Variants in ZDHHC11 observed in about 807,000 individuals in gnomAD.
The protein encoded by ZDHHC11 is palmitoyltransferase ZDHHC11.
A neutral mutation model predicts 51.3 loss-of-function variants in ZDHHC11; 44 were observed. That is an observed-to-expected ratio of 0.86 (90% CI 0.67 to 1.10). ZDHHC11 has a LOEUF of 1.10. ZDHHC11 is among the 50% of genes least tolerant of loss of function. The pLI is 0.00. For synonymous variants in ZDHHC11, 163 were observed against 222.0 expected (o/e 0.73, Z 2.36); for missense variants, 400 against 537.7 (o/e 0.74, Z 2.53).
intron 10 of ZDHHC11, among the ~76,000 whole-genome samples, chr5:818,827 A>G (rs1741182926): frequency 6.6e-6 from 1 of 151,404 alleles, no homozygotes; most frequent in African/African-American, 2.4e-5. Context: ...CACCACTATA[A>G]TCCATGCTGG....
chr5:835,924 G>A (rs1288200723), intron 6 of ZDHHC11, among the ~76,000 whole-genome samples: 13 of 151,840 alleles, frequency 8.6e-5, no homozygotes, highest in Admixed American at 8.5e-4. Flanking sequence ...ATTTTAATAT[G>A]TGCCCCACAT....
chr5:850,014 G>A (rs1746908356), intron 1 of ZDHHC11, among the ~76,000 whole-genome samples: 1 of 152,238 alleles, frequency 6.6e-6, no homozygotes, highest in Non-Finnish European at 1.5e-5. Flanking sequence ...GGGGCATGGC[G>A]CTGTTCCTCC....
At position 819,524 on chromosome 5, in the gene ZDHHC11, C is replaced by A. The variant is rs754565875; in HGVS notation, c.1146+1G>T. On this transcript the variant is annotated splice_donor_variant, in intron 10 of 12. Coordinates refer to ENST00000283441, the MANE Select transcript of ZDHHC11 (RefSeq NM_024786.3). LOFTEE classifies it high-confidence loss of function. ...GGACAGCGCCAGTGATTGCAACTTA[C>A]CTGTGCCATCGAGCCCCCGTCTGGG... The A allele has an allele frequency of 3.7e-6, 6 of 1,609,190 alleles. No homozygotes were observed. In the East Asian group the frequency reaches 1.3e-4, roughly 36 times the overall value.
intron 10 of ZDHHC11, among the ~76,000 whole-genome samples, chr5:818,972 G>A (rs1330455040): frequency 3.0e-4 from 46 of 151,514 alleles, no homozygotes; most frequent in African/African-American, 9.7e-4. Context: ...CGTGAAGGAC[G>A]GACACAGAGT....
At chr5:798,816 C>A (rs1219076380) in intron 12 of ZDHHC11, among the ~76,000 whole-genome samples, 2 of 151,530 alleles carry the variant, frequency 1.3e-5, no homozygotes, top group African/African-American at 4.8e-5. Flanking sequence ...GAGGCTAATT[C>A]ATTTCGAAAG....
chr5:844,505 C>T (rs536545856), intron 3 of ZDHHC11, among the ~76,000 whole-genome samples: 385 of 152,256 alleles, frequency 2.5e-3, no homozygotes, highest in Non-Finnish European at 4.0e-3. Flanking sequence ...AGACAGGCCT[C>T]CCTACCAGCC....
intron 11 of ZDHHC11, among the ~76,000 whole-genome samples, chr5:806,278 A>C (rs395626): frequency 0.96 from 144,025 of 149,926 alleles, 69,398 homozygotes; most frequent in African/African-American, 0.99. Flanking sequence ...AGGACAGAAG[A>C]AGCTTTTTAT....
chr5:814,755 A>G lies in ZDHHC11; in HGVS notation c.1181+6T>C, dbSNP rs1205419010. On this transcript the variant is annotated splice_donor_region_variant and intron_variant, in intron 11 of 12. Transcript: ENST00000283441. ...CAAAACGTTCCCGTTAAACTTACGAACTTACCCAAGTGTAGATATACTCGG... is the reference window on the plus strand; with the variant it reads ...CAAAACGTTCCCGTTAAACTTACGAGCTTACCCAAGTGTAGATATACTCGG... 1.9e-6 allele frequency: 3 copies of G among 1,560,334 alleles called. No individual in the cohort carries two copies. The African/African-American group carries it at 4.1e-5, about 21-fold the overall frequency.
intron 10 of ZDHHC11, chr5:816,934 C>A: frequency 8.2e-6 from 3 of 367,944 alleles, no homozygotes; most frequent in South Asian, 8.0e-5. Flanking sequence ...GGAGACTGGT[C>A]ATGGATGCAT....
upstream of ZDHHC11, among the ~76,000 whole-genome samples, chr5:859,515 A>G (rs1748679503): frequency 6.6e-6 from 1 of 152,136 alleles, no homozygotes. Context: ...CTGCGACCCC[A>G]GAGTACTCAG....
intron 10 of ZDHHC11, among the ~76,000 whole-genome samples, chr5:815,030 A>G (rs115988269): frequency 0.011 from 1,681 of 151,388 alleles, 58 homozygotes; most frequent in Non-Finnish European, 0.013. Context: ...GACTCCCAGT[A>G]CCTCAGAATG....
At chr5:821,840 C>A in intron 9 of ZDHHC11, 21 bp downstream of exon 9, 1 of 1,592,860 alleles carries the variant, frequency 6.3e-7, no homozygotes, top group African/African-American at 1.3e-5. Flanking sequence ...TAAAATAATC[C>A]CATTAAACTT....
At chr5:819,007 C>T (rs1290726181) in intron 10 of ZDHHC11, among the ~76,000 whole-genome samples, 1 of 151,508 alleles carries the variant, frequency 6.6e-6, no homozygotes, top group South Asian at 2.1e-4. Context: ...AACAAACACA[C>T]ACCATTCACA....
At chr5:837,009 A>T (rs422396) in intron 6 of ZDHHC11, among the ~76,000 whole-genome samples, 1 of 151,386 alleles carries the variant, frequency 6.6e-6, no homozygotes. Context: ...ATGAGCTGAG[A>T]TTTCACCACT....
At chr5:805,040 A>G (rs1162237856) in intron 11 of ZDHHC11, among the ~76,000 whole-genome samples, 1 of 151,452 alleles carries the variant, frequency 6.6e-6, no homozygotes, top group African/African-American at 2.4e-5. Flanking sequence ...CAATAATTAT[A>G]AATATTGTTA....
intron 7 of ZDHHC11, among the ~76,000 whole-genome samples, chr5:829,292 G>A (rs914082428): frequency 1.3e-5 from 2 of 151,542 alleles, no homozygotes; most frequent in Middle Eastern, 3.4e-3. Context: ...ATCCAAATAA[G>A]CTCAATTAGA....
rs1561292513 is a variant in ZDHHC11, at chr5:843,877, GGGA to G, written c.504-156_504-154del. 5 of 643,026 alleles carry G rather than the reference GGGA, an allele frequency of 7.8e-6. No homozygotes were observed. In the African/African-American group the frequency reaches 9.7e-5, roughly 12 times the overall value. The allele number at this position is 643,026 out of a possible 1,614,324, so 39.8% of individuals were successfully genotyped here. A position where few individuals can be genotyped will look rare whatever the true frequency, so the allele number is the denominator to read the frequency against. On this transcript the variant is annotated intron_variant, in intron 3 of 12. Transcript: ENST00000283441. ...AGCGGCAGGGGCATGCGGGGCATGTGGGACAGGTGTGGGGGCGGGGAGGCAGGG... is the reference window on the plus strand; with the variant it reads ...AGCGGCAGGGGCATGCGGGGCATGTGCAGGTGTGGGGGCGGGGAGGCAGGG...
intron 6 of ZDHHC11, among the ~76,000 whole-genome samples, chr5:835,444 G>A (rs1216655624): frequency 1.3e-5 from 2 of 151,650 alleles, no homozygotes; most frequent in African/African-American, 4.8e-5. Flanking sequence ...TTTTATTACT[G>A]TAGCTTTATG....
chr5:840,078 C>T (rs1744535777), intron 5 of ZDHHC11: 1 of 606,824 alleles, frequency 1.6e-6, no homozygotes. Flanking sequence ...AGTGGGTGAC[C>T]TGCCTGTAAT....
Sources: allele counts gnomAD v4.1 joint callset (sites outside exome capture counted in the v4.1 genomes callset), GRCh38; gene constraint gnomAD v4.1.1; transcripts MANE v1.5; gene names NCBI Gene and HGNC (gene_info 2026-07-23, HGNC 2026-07-21).